The following DNAH3 variants were observed in gnomAD, a reference collection of about 807,000 sequenced individuals.
DNAH3 encodes axonemal beta dynein heavy chain 3.
DNAH3 carries 332 observed loss-of-function variants against 432.5 expected under a neutral mutation model. That is an observed-to-expected ratio of 0.77 (90% CI 0.70 to 0.84). DNAH3 has a LOEUF of 0.84. Ranked by LOEUF, DNAH3 falls within the 40% of genes least tolerant of loss-of-function variation. The pLI is 0.00. For synonymous variants in DNAH3, 1,956 were observed against 1,900.2 expected (o/e 1.03, Z -0.76); for missense variants, 4,861 against 5,114.0 (o/e 0.95, Z 1.51).
At chr16:20,979,202 G>A (rs2085738773) in intron 50 of DNAH3, 128 bp downstream of exon 50, 1 of 763,116 alleles carries the variant, frequency 1.3e-6, no homozygotes, top group Non-Finnish European at 2.2e-6. Flanking sequence ...GGTAAGGTAA[G>A]CTCTGCAAAT....
Position 20,965,343 on chromosome 16 carries a change from G to A in DNAH3, c.8541C>T (p.Asp2847=), listed in dbSNP as rs147090823. 52 of 1,600,072 alleles carry A rather than the reference G, an allele frequency of 3.2e-5. No individual in the cohort carries two copies. The African/African-American group carries it at 6.4e-4, about 20-fold the overall frequency. ...TGGTCAGTGGGGGGATGTTGTCTTT[G>A]TCATATGTCTTAAGACTCTCCAAGA... The change falls in exon 53 of 62, where the codon GAC becomes GAT. Residue 2847 remains aspartate (D), a synonymous_variant. Coordinates refer to ENST00000261383, the Ensembl canonical transcript of DNAH3.
intron 11 of DNAH3, chr16:21,120,519 T>C: frequency 1.7e-6 from 1 of 593,804 alleles, no homozygotes; most frequent in Admixed American, 3.0e-5. Context: ...CAGGACTATG[T>C]TTTTAAGTCT....
exon 53 of DNAH3, chr16:20,964,845 T>G: frequency 6.2e-7 from 1 of 1,614,150 alleles, no homozygotes; most frequent in Non-Finnish European, 8.5e-7. Context: ...GATAATCCAC[T>G]GTAAAAGCGC....
At chr16:21,030,067 C>A (rs114753751) in intron 37 of DNAH3, among the ~76,000 whole-genome samples, 5,598 of 152,154 alleles carry the variant, frequency 0.037, 345 homozygotes, top group African/African-American at 0.13. Flanking sequence ...CTCAAGCAAT[C>A]CTCCTGTCTC....
intron 38 of DNAH3, among the ~76,000 whole-genome samples, chr16:21,026,017 C>CAAT (rs2088535594): frequency 6.6e-6 from 1 of 152,014 alleles, no homozygotes; most frequent in Admixed American, 6.6e-5. Context: ...GGGATTACAG[C>CAAT]ATAAGTCATC....
intron 16 of DNAH3, among the ~76,000 whole-genome samples, chr16:21,101,576 A>G (rs1456324190): frequency 1.3e-5 from 2 of 152,196 alleles, no homozygotes; most frequent in Non-Finnish European, 2.9e-5. Context: ...TGTTCAAAGA[A>G]AGATACTTTA....
intron 21 of DNAH3, among the ~76,000 whole-genome samples, chr16:21,074,604 C>G (rs1463753089): frequency 6.6e-6 from 1 of 152,098 alleles, no homozygotes; most frequent in Non-Finnish European, 1.5e-5. Context: ...ATCCCAGCTA[C>G]TCGGGAGGCT....
At chr16:20,942,110 C>G (rs915733728) in intron 58 of DNAH3, among the ~76,000 whole-genome samples, 6 of 150,978 alleles carry the variant, frequency 4.0e-5, no homozygotes, top group African/African-American at 1.5e-4. Context: ...ACACCTCAGG[C>G]AAGAGCCGAA....
chr16:20,980,306 T>C (rs2085829710), intron 49 of DNAH3, among the ~76,000 whole-genome samples: 1 of 140,870 alleles, frequency 7.1e-6, no homozygotes, highest in East Asian at 2.0e-4. Context: ...TCATATATTA[T>C]ATTATATATT....
In DNAH3 at chr16:21,060,349, A is replaced by C. The variant is rs1420769571; in HGVS notation, c.3728T>G (p.Val1243Gly). 36 of 1,613,220 alleles carry C rather than the reference A, an allele frequency of 2.2e-5. No homozygotes were observed. Among genetic ancestry groups the C allele is most frequent in the Non-Finnish European group, 2.9e-5 (34 of 1,179,776 alleles). The change falls in exon 26 of 62, where the codon GTG becomes GGG. Residue 1243 changes from valine to glycine, a missense_variant. By Grantham distance (109) the Val-to-Gly change is moderately radical. Transcript: ENST00000261383. ...CTCCACCTGCTGGAGCCACTTTTCC[A>C]CCATGCCCTATGGAGCAAGACAGAG... is the stretch of plus-strand genomic sequence containing the variant.
chr16:20,985,539 C>G (rs2086149542), exon 48 of DNAH3: 1 of 1,614,164 alleles, frequency 6.2e-7, no homozygotes, highest in African/African-American at 1.3e-5. Flanking sequence ...ACATGGGGGC[C>G]TTGCTGATGT....
At chr16:20,942,280 G>A (rs1346604696) in intron 58 of DNAH3, among the ~76,000 whole-genome samples, 1 of 152,144 alleles carries the variant, frequency 6.6e-6, no homozygotes, top group Admixed American at 6.6e-5. Context: ...TGACACCTGG[G>A]AAAGCAGCAG....
At chr16:21,046,783 C>T (rs1248131569) in intron 31 of DNAH3, among the ~76,000 whole-genome samples, 3 of 152,076 alleles carry the variant, frequency 2.0e-5, no homozygotes, top group Non-Finnish European at 4.4e-5. Context: ...ATGGTCTTTA[C>T]ATTTTGGCAT....
intron 19 of DNAH3, among the ~76,000 whole-genome samples, chr16:21,082,267 T>C (rs2091214838): frequency 2.0e-5 from 3 of 152,188 alleles, no homozygotes; most frequent in East Asian, 3.9e-4. Context: ...CATGACTCAC[T>C]GCAGCCTTGA....
In DNAH3 at chr16:21,091,742, G is replaced by A. The variant is rs560923165; in HGVS notation, c.2666-4682C>T. On this transcript the variant is annotated intron_variant, in intron 18 of 61. Coordinates refer to ENST00000261383, the Ensembl canonical transcript of DNAH3. ...AAGGCAGGAGAATCACTTGAACCCA[G>A]GAGGTGGAGGTTGTAGTGAGCCAAG... is the stretch of plus-strand genomic sequence containing the variant. Among the ~76,000 whole-genome samples the A allele has an allele frequency of 1.6e-3, 237 of 152,224 alleles. 1 individual carries two copies. The highest frequency in any genetic ancestry group is 2.3e-3 in the Non-Finnish European group (154 of 68,026).
At chr16:20,979,986 G>C (rs1054902540) in intron 49 of DNAH3, among the ~76,000 whole-genome samples, 1 of 151,572 alleles carries the variant, frequency 6.6e-6, no homozygotes, top group Admixed American at 6.6e-5. Context: ...CTGACCTCAG[G>C]TGATCTGCCC....
intron 26 of DNAH3, among the ~76,000 whole-genome samples, chr16:21,059,383 T>C (rs1328568902): frequency 1.3e-5 from 2 of 152,220 alleles, no homozygotes; most frequent in African/African-American, 4.8e-5. Context: ...ATGCAAATAC[T>C]GTGTCAAGGG....
intron 42 of DNAH3, among the ~76,000 whole-genome samples, chr16:21,002,255 T>C (rs888263748): frequency 1.3e-5 from 2 of 151,976 alleles, no homozygotes; most frequent in African/African-American, 4.8e-5. Flanking sequence ...ACATAAAAGC[T>C]CTCTGAAAAA....
chr16:21,146,542 T>G (rs1030205590), intron 1 of DNAH3, among the ~76,000 whole-genome samples: 6 of 152,294 alleles, frequency 3.9e-5, no homozygotes, highest in Admixed American at 3.9e-4. Flanking sequence ...TGTATATACA[T>G]TATAGAGTGA....
Sources: gnomAD v4.1 joint callset for allele counts (sites outside exome capture counted in the v4.1 genomes callset) on GRCh38, gnomAD v4.1.1 for gene constraint, MANE v1.5 for transcripts, NCBI Gene and HGNC (gene_info 2026-07-23, HGNC 2026-07-21) for gene names.